Variants in ASTN1 observed in about 807,000 individuals in gnomAD.
ASTN1 encodes the protein astrotactin-1.
A neutral mutation model predicts 140.7 loss-of-function variants in ASTN1; 41 were observed. That is an observed-to-expected ratio of 0.29 (90% confidence interval 0.23 to 0.38). The LOEUF is 0.38. Ranked by LOEUF, ASTN1 falls within the 10% of genes least tolerant of loss-of-function variation. The pLI, the probability that ASTN1 is intolerant of heterozygous loss-of-function variation, is 1.00. For synonymous variants in ASTN1, 640 were observed against 652.2 expected, an observed-to-expected ratio of 0.98 and a Z score of 0.29; for missense variants, 1,479 against 1,678.8, an observed-to-expected ratio of 0.88 and a Z score of 2.08.
chr1:176,973,630 C>G (rs1168323613), intron 8 of ASTN1, among the ~76,000 whole-genome samples: 4 of 152,192 alleles, frequency 2.6e-5, no homozygotes, highest in Non-Finnish European at 5.9e-5. Context: ...TTCATACCTT[C>G]TTTCTCTCAA....
chr1:176,925,883 G>C (rs1229277517), intron 16 of ASTN1, among the ~76,000 whole-genome samples: 1 of 150,000 alleles, frequency 6.7e-6, no homozygotes, highest in Admixed American at 6.7e-5. Flanking sequence ...TCGGCTCACT[G>C]TAAGCTCTGC....
intron 2 of ASTN1, among the ~76,000 whole-genome samples, chr1:177,034,949 A>G (rs549703171): frequency 6.6e-6 from 1 of 152,128 alleles, no homozygotes; most frequent in Non-Finnish European, 1.5e-5. Flanking sequence ...GTTTTTTAGG[A>G]GCTCCTTCCA....
intron 8 of ASTN1, among the ~76,000 whole-genome samples, chr1:177,010,086 T>C (rs916900397): frequency 6.6e-6 from 1 of 152,188 alleles, no homozygotes; most frequent in Non-Finnish European, 1.5e-5. Flanking sequence ...ATTTCCAAAG[T>C]AGCTACATAA....
At chr1:176,925,244 A>T (rs761578439) in intron 16 of ASTN1, among the ~76,000 whole-genome samples, 1 of 152,210 alleles carries the variant, frequency 6.6e-6, no homozygotes, top group Non-Finnish European at 1.5e-5. Context: ...CCCGGAGACC[A>T]CCGTGCCATG....
At chr1:177,132,526 G>C (rs1681989508) in intron 1 of ASTN1, among the ~76,000 whole-genome samples, 1 of 152,186 alleles carries the variant, frequency 6.6e-6, no homozygotes, top group South Asian at 2.1e-4. Flanking sequence ...AGATATACCA[G>C]CAGCAGGGTC....
intron 7 of ASTN1, among the ~76,000 whole-genome samples, chr1:177,020,722 C>T (rs1675780853): frequency 6.6e-6 from 1 of 152,158 alleles, no homozygotes; most frequent in African/African-American, 2.4e-5. Context: ...TCTCTCACAC[C>T]TGGTGTTCTG....
At chr1:177,005,173 G>T (rs1571636171) in intron 8 of ASTN1, among the ~76,000 whole-genome samples, 1 of 151,878 alleles carries the variant, frequency 6.6e-6, no homozygotes, top group South Asian at 2.1e-4. Flanking sequence ...AATAGGCAAA[G>T]GACATGAATT....
intron 16 of ASTN1, 73 bp from the exon 17 acceptor site, chr1:176,894,903 G>A: frequency 6.4e-7 from 1 of 1,572,386 alleles, no homozygotes; most frequent in Non-Finnish European, 8.7e-7. Context: ...CGTGGCCCCT[G>A]AGTGCTGGGG....
chr1:177,130,496 A>G (rs1681890868), intron 1 of ASTN1, among the ~76,000 whole-genome samples: 1 of 152,090 alleles, frequency 6.6e-6, no homozygotes, highest in Non-Finnish European at 1.5e-5. Context: ...TTCTTTTCTA[A>G]TGATTTAGGT....
intron 8 of ASTN1, among the ~76,000 whole-genome samples, chr1:176,985,867 C>T (rs1013461410): frequency 2.0e-5 from 3 of 150,238 alleles, no homozygotes; most frequent in Admixed American, 2.0e-4. Flanking sequence ...CACACACACA[C>T]ACACACACAC....
intron 2 of ASTN1, among the ~76,000 whole-genome samples, chr1:177,060,150 T>C (rs1286444914): frequency 6.6e-6 from 1 of 152,194 alleles, no homozygotes; most frequent in African/African-American, 2.4e-5. Context: ...AACCCTGGCC[T>C]GCCATCATAG....
chr1:176,862,239 G>A lies in ASTN1; in HGVS notation c.*2045C>T. 1.0e-6 allele frequency: 1 copy of A among 985,410 alleles called. No individual in the cohort carries two copies. Among genetic ancestry groups the A allele is most frequent in the Non-Finnish European group, 1.2e-6 (1 of 829,946 alleles). The allele number at this position is 985,410 out of a possible 1,614,324, so 61.0% of individuals were successfully genotyped here. ...GAAAGTAGGGGAATCTCTGAGGCAG[G>A]TGCATTAGAGAGTTTGAAATAAATC... On this transcript the variant is annotated 3_prime_UTR_variant, in exon 23 of 23. Coordinates refer to ENST00000361833, the MANE Select transcript of ASTN1 (RefSeq NM_004319.3).
Position 176,884,424 on chromosome 1 carries a change from C to T in ASTN1, c.3141G>A (p.Glu1047=), listed in dbSNP as rs763197786. The T allele has an allele frequency of 1.2e-6, 2 of 1,614,144 alleles. No individual in the cohort carries two copies. The highest frequency in any genetic ancestry group is 1.7e-6 in the Non-Finnish European group (2 of 1,180,012). The change falls in exon 19 of 23, where the codon GAG becomes GAA. Residue 1047 remains glutamate, a synonymous_variant. Transcript: ENST00000361833. The part of the protein sequence containing the change: ...TLVVLEWEHS[E]PPIGVQIVDY... ...CTACAATCTGCACCCCGATTGGTGG[C>T]TCTGAGTGTTCCCACTCCAGGACCA...
intron 1 of ASTN1, among the ~76,000 whole-genome samples, chr1:177,094,915 T>C (rs761080575): frequency 4.4e-4 from 67 of 152,298 alleles, no homozygotes; most frequent in Non-Finnish European, 8.1e-4. Context: ...AGAATATTGG[T>C]ATAAATACAG....
intron 8 of ASTN1, among the ~76,000 whole-genome samples, chr1:177,008,435 C>G (rs1452772505): frequency 3.0e-5 from 3 of 100,696 alleles, no homozygotes; most frequent in South Asian, 3.1e-4. Context: ...GAGAGGAAGA[C>G]AGAGAGGAAG....
At chr1:177,100,615 C>T (rs1338613350) in intron 1 of ASTN1, among the ~76,000 whole-genome samples, 2 of 152,006 alleles carry the variant, frequency 1.3e-5, no homozygotes, top group African/African-American at 4.8e-5. Flanking sequence ...GACAAAATTA[C>T]CACTGGGTAA....
intron 1 of ASTN1, among the ~76,000 whole-genome samples, chr1:177,121,083 CAT>C (rs58390538): frequency 6.7e-5 from 10 of 148,802 alleles, no homozygotes; most frequent in Admixed American, 1.3e-4. Flanking sequence ...GCTGGTGATA[CAT>C]ATATATATAT....
At chr1:176,953,187 T>C (rs1028441585) in intron 11 of ASTN1, among the ~76,000 whole-genome samples, 9 of 152,204 alleles carry the variant, frequency 5.9e-5, no homozygotes, top group Non-Finnish European at 1.2e-4. Context: ...ATTAATTACT[T>C]AGGAGGCTGG....
intron 21 of ASTN1, among the ~76,000 whole-genome samples, chr1:176,869,295 G>T (rs1033169822): frequency 6.6e-6 from 1 of 152,024 alleles, no homozygotes; most frequent in Non-Finnish European, 1.5e-5. Context: ...TGAACCCAAG[G>T]CCTGAAGAAA....
Sources: allele counts gnomAD v4.1 joint callset (sites outside exome capture counted in the v4.1 genomes callset), GRCh38; gene constraint gnomAD v4.1.1; transcripts MANE v1.5; gene names NCBI Gene and HGNC (gene_info 2026-07-23, HGNC 2026-07-21).